The following JARID2 variants were observed in gnomAD, a reference collection of about 807,000 sequenced individuals.
JARID2 encodes jumonji and AT-rich interaction domain containing 2.
Under a neutral mutation model 125.6 loss-of-function variants are expected in JARID2, and 21 were observed. The observed-to-expected ratio is 0.17, with a 90% CI of 0.12 to 0.24. The LOEUF is 0.24. Among genes scored for constraint, JARID2 ranks in the 10% least tolerant of loss-of-function variants. JARID2 has a pLI of 1.00. For synonymous variants in JARID2, 736 were observed against 661.6 expected (o/e 1.11, Z -1.73); for missense variants, 1,303 against 1,639.6 (o/e 0.79, Z 3.55).
intron 1 of JARID2, among the ~76,000 whole-genome samples, chr6:15,342,670 C>T (rs1763107576): frequency 6.6e-6 from 1 of 152,046 alleles, no homozygotes; most frequent in Admixed American, 6.5e-5. Flanking sequence ...GTTCTATTAA[C>T]TTTTCTAGTT....
At chr6:15,469,314 CTCTG>C (rs1401751135) in intron 5 of JARID2, among the ~76,000 whole-genome samples, 7 of 126,226 alleles carry the variant, frequency 5.5e-5, no homozygotes, top group African/African-American at 2.1e-4. Context: ...GTCTCTCTCT[CTCTG>C]TCTCTCTCTC....
At chr6:15,487,188 C>T (rs1193134956) in intron 5 of JARID2, 119 bp from the exon 6 acceptor site, 2 of 800,600 alleles carry the variant, frequency 2.5e-6, no homozygotes, top group Non-Finnish European at 4.1e-6. Context: ...CTCGCTAACA[C>T]ATGGGGATTA....
At chr6:15,502,108 A>C in intron 8 of JARID2, among the ~76,000 whole-genome samples, 1 of 152,220 alleles carries the variant, frequency 6.6e-6, no homozygotes, top group East Asian at 1.9e-4. Context: ...GCTGGGGAGA[A>C]ACCAGCAAAC....
chr6:15,275,174 G>GTT (rs1157905969), intron 1 of JARID2, among the ~76,000 whole-genome samples: 5 of 152,148 alleles, frequency 3.3e-5, no homozygotes, highest in Non-Finnish European at 7.4e-5. Flanking sequence ...TCTGGGCTCA[G>GTT]GTTCAAGAGT....
intron 3 of JARID2, among the ~76,000 whole-genome samples, chr6:15,439,693 C>G (rs947474455): frequency 6.6e-6 from 1 of 152,144 alleles, no homozygotes; most frequent in Non-Finnish European, 1.5e-5. Context: ...GATTGGACTT[C>G]TTTTCTCAGG....
At chr6:15,477,853 T>C (rs1320020624) in intron 5 of JARID2, among the ~76,000 whole-genome samples, 1 of 152,180 alleles carries the variant, frequency 6.6e-6, no homozygotes, top group Non-Finnish European at 1.5e-5. Flanking sequence ...TTATAATTGC[T>C]AGGAAAACTC....
At chr6:15,364,768 A>G (rs1007639551) in intron 1 of JARID2, among the ~76,000 whole-genome samples, 3 of 152,242 alleles carry the variant, frequency 2.0e-5, no homozygotes, top group African/African-American at 7.2e-5. Context: ...TAATGCAGAT[A>G]TGTCAGTGCT....
intron 1 of JARID2, among the ~76,000 whole-genome samples, chr6:15,287,237 G>A (rs1265894260): frequency 6.6e-6 from 1 of 152,116 alleles, no homozygotes; most frequent in South Asian, 2.1e-4. Flanking sequence ...TTTTGCAATC[G>A]GGTGAAATGT....
chr6:15,294,799 C>T (rs913822184), intron 1 of JARID2, among the ~76,000 whole-genome samples: 1 of 152,094 alleles, frequency 6.6e-6, no homozygotes, highest in East Asian at 1.9e-4. Flanking sequence ...GTGTGAGGGC[C>T]TCAACCCAAG....
intron 1 of JARID2, among the ~76,000 whole-genome samples, chr6:15,300,230 A>G (rs1761556157): frequency 6.6e-6 from 1 of 152,174 alleles, no homozygotes; most frequent in African/African-American, 2.4e-5. Context: ...TAATTCTTTG[A>G]CCACAGGACC....
chr6:15,339,182 G>T (rs765660448), intron 1 of JARID2, among the ~76,000 whole-genome samples: 1 of 152,132 alleles, frequency 6.6e-6, no homozygotes, highest in Non-Finnish European at 1.5e-5. Flanking sequence ...CTAGAACTAG[G>T]ACCGGGCCTC....
At chr6:15,489,057 C>G (rs1770020652) in intron 6 of JARID2, among the ~76,000 whole-genome samples, 1 of 152,110 alleles carries the variant, frequency 6.6e-6, no homozygotes, top group Non-Finnish European at 1.5e-5. Context: ...ACAGAACTCT[C>G]CAATGTGTAA....
chr6:15,371,256 G>A (rs778000152), intron 1 of JARID2, among the ~76,000 whole-genome samples: 6 of 152,194 alleles, frequency 3.9e-5, no homozygotes, highest in Non-Finnish European at 7.4e-5. Flanking sequence ...CTGAAGTCAG[G>A]ATGAAGGCAC....
chr6:15,505,740 T>C (rs1770974047), intron 9 of JARID2, among the ~76,000 whole-genome samples: 1 of 152,388 alleles, frequency 6.6e-6, no homozygotes, highest in African/African-American at 2.4e-5. Context: ...ACACCCGGCC[T>C]GTGGTCATGA....
rs569370291 is a variant in JARID2, at chr6:15,363,613, G to A, written c.46-10504G>A. Among the ~76,000 whole-genome samples the A allele has an allele frequency of 2.8e-4, 43 of 152,312 alleles. 1 individual carries two copies. In the South Asian group the frequency reaches 8.7e-3, roughly 31 times the overall value. On this transcript the variant is annotated intron_variant, in intron 1 of 17. Transcript: ENST00000341776. ...TAAAAGGCGAGTAAGACACAGACTA[G>A]TCAGAATGTGATCTGTACTACTTCA...
At chr6:15,415,446 G>A (rs1766109067) in intron 3 of JARID2, among the ~76,000 whole-genome samples, 1 of 147,084 alleles carries the variant, frequency 6.8e-6, no homozygotes, top group Non-Finnish European at 1.5e-5. Context: ...GCGGGGGGCT[G>A]ACACCCCCAC....
At chr6:15,518,456 G>A (rs1055488456) in intron 17 of JARID2, among the ~76,000 whole-genome samples, 4 of 152,220 alleles carry the variant, frequency 2.6e-5, no homozygotes, top group Non-Finnish European at 5.9e-5. Flanking sequence ...CAGTAAGCAT[G>A]TCTGTGCCTC....
chr6:15,437,902 CCA>C (rs1767279979), intron 3 of JARID2, among the ~76,000 whole-genome samples: 2 of 152,062 alleles, frequency 1.3e-5, no homozygotes, highest in Admixed American at 1.3e-4. Flanking sequence ...TGGAGAAAGG[CCA>C]CTTAAGAAGA....
intron 1 of JARID2, among the ~76,000 whole-genome samples, chr6:15,284,247 C>T (rs1581367762): frequency 6.6e-6 from 1 of 152,176 alleles, no homozygotes; most frequent in East Asian, 1.9e-4. Context: ...GAATTTACTT[C>T]TCTGGAATCC....
Sources: gnomAD v4.1 joint callset for allele counts (sites outside exome capture counted in the v4.1 genomes callset) on GRCh38, gnomAD v4.1.1 for gene constraint, MANE v1.5 for transcripts, NCBI Gene and HGNC (gene_info 2026-07-23, HGNC 2026-07-21) for gene names.